Variants in IRS2 observed in about 807,000 individuals in gnomAD.
IRS2 encodes insulin receptor substrate 2.
In IRS2, 28 loss-of-function variants were observed where a neutral mutation model predicts 70.9. The ratio of observed to expected loss-of-function variants is 0.39; its 90% CI spans 0.29 to 0.54. The LOEUF (loss-of-function observed/expected upper bound fraction) is 0.54, where lower values mean the gene tolerates loss of function less well. Ranked by LOEUF, IRS2 falls within the 20% of genes least tolerant of loss-of-function variation. IRS2 has a pLI of 0.59. For synonymous variants in IRS2, 1,217 were observed against 981.9 expected (o/e 1.24, Z -4.48); for missense variants, 2,081 against 2,024.1 (o/e 1.03, Z -0.54).
Position 109,783,204 on chromosome 13 carries a change from G to C in IRS2, c.2850C>G (p.Ser950=). The change falls in exon 1 of 2, where the codon TCC becomes TCG. Residue 950 remains serine (S), a synonymous_variant. Transcript: ENST00000375856. ...CCAGCGACGAGGCCGGGCTGCTGGC[G>C]GACAAGAGCGAGGAGGACGAGGCCG... ...ASAASSSSLL[S]ASSPASSLGS... is the part of the protein sequence containing the mutation. 1 of 1,413,026 alleles carries C rather than the reference G, an allele frequency of 7.1e-7. No individual in the cohort carries two copies. The allele number at this position is 1,413,026 out of a possible 1,614,324, so 87.5% of individuals were successfully genotyped here.
At chr13:109,776,927 T>C (rs1228096605) in intron 1 of IRS2, among the ~76,000 whole-genome samples, 2 of 152,236 alleles carry the variant, frequency 1.3e-5, no homozygotes, top group Non-Finnish European at 2.9e-5. Context: ...AAAATCATGA[T>C]CTGACAGTTA....
chr13:109,759,198 G>GGCC (rs1304165635), intron 1 of IRS2, among the ~76,000 whole-genome samples: 1 of 152,152 alleles, frequency 6.6e-6, no homozygotes, highest in Non-Finnish European at 1.5e-5. Context: ...CGCTTTCAAC[G>GGCC]GCCGCCTCCT....
chr13:109,775,175 G>GT (rs1877546149), intron 1 of IRS2, among the ~76,000 whole-genome samples: 1 of 140,854 alleles, frequency 7.1e-6, no homozygotes, highest in South Asian at 2.2e-4. Flanking sequence ...CTGGAGTACA[G>GT]TGTCGCGATC....
In IRS2 at chr13:109,782,968, A is replaced by C; in HGVS notation, c.3086T>G (p.Leu1029Arg). 3 of 1,420,228 alleles carry C rather than the reference A, an allele frequency of 2.1e-6. No individual in the cohort carries two copies. The highest frequency in any genetic ancestry group is 2.7e-6 in the Non-Finnish European group (3 of 1,091,868). 88.0% of individuals were successfully genotyped at this position (1,420,228 alleles called of 1,614,324 possible). The change falls in exon 1 of 2, where the codon CTG becomes CGG. Residue 1029 changes from leucine (L) to arginine (R), a missense_variant. Around this residue, in one of 4 missense-constraint regions of IRS2, gnomAD observed 1,615 missense variants for 1,459.5 expected, o/e 1.11. Transcript: ENST00000375856. Reference protein sequence around the residue: ...PRPSASPSSSLQPPPPPPAPG... With the variant: ...PRPSASPSSSRQPPPPPPAPG... ...GGCCGGCGGCGGTGGCGGCGGCTGC[A>C]GAGACGACGACGGGGACGCGGACGG...
At chr13:109,776,143 C>T (rs1253457724) in intron 1 of IRS2, among the ~76,000 whole-genome samples, 5 of 126,058 alleles carry the variant, frequency 4.0e-5, no homozygotes, top group East Asian at 4.1e-4. Context: ...AGTGAGACTC[C>T]GTCTCAAAAA....
intron 1 of IRS2, among the ~76,000 whole-genome samples, chr13:109,773,284 T>A (rs1367371207): frequency 6.6e-6 from 1 of 152,224 alleles, no homozygotes; most frequent in Non-Finnish European, 1.5e-5. Flanking sequence ...ACTGATTAGT[T>A]AGTTATTGGT....
chr13:109,783,795 C>T lies in IRS2; in HGVS notation c.2259G>A (p.Met753Ile), dbSNP rs1343442255. Residue 753 changes from methionine (M) to isoleucine (I), a missense_variant, in exon 1 of 2, where the codon ATG (methionine) becomes ATA (isoleucine). Met to Ile is a conservative substitution (Grantham distance 10). Coordinates refer to ENST00000375856, the MANE Select transcript of IRS2 (RefSeq NM_003749.3). The part of the protein sequence containing the change: ...MRMWCGSKLS[M>I]EHADGKLLPN... The stretch of plus-strand genomic sequence containing the variant: ...GCAGCAGCTTGCCATCTGCATGCTC[C>T]ATGGACAGCTTGGAACCGCACCACA... 1 of 1,597,464 alleles carries T rather than the reference C, an allele frequency of 6.3e-7. No homozygotes were observed. Among genetic ancestry groups the T allele is most frequent in the Admixed American group, 1.7e-5 (1 of 58,492 alleles).
rs769428691 is a variant in IRS2, at chr13:109,785,492, C to G, written c.562G>C (p.Ala188Pro). 1 of 1,611,360 alleles carries G rather than the reference C, an allele frequency of 6.2e-7. No individual in the cohort carries two copies. Among genetic ancestry groups the G allele is most frequent in the Non-Finnish European group, 8.5e-7 (1 of 1,179,508 alleles). ...AGAEDSYGLV[A>P]PATAAYREVW... is the part of the protein sequence containing the mutation. ...TCACGGTAGGCGGCCGTGGCGGGAG[C>G]CACCAGCCCGTAGCTGTCCTCGGCC... Residue 188 changes from alanine (A) to proline (P), a missense_variant, in exon 1 of 2, where the codon GCT (alanine) becomes CCT (proline). Ala to Pro is a conservative substitution (Grantham distance 27, BLOSUM62 -1). This residue lies in a region of IRS2 where 320 missense variants were observed against 352.9 expected (regional missense o/e 0.91). Transcript: ENST00000375856. The surrounding 1 kb of genome is among the most constrained non-coding windows in gnomAD (Gnocchi z 9.3).
At chr13:109,770,244 T>C (rs2138919139) in intron 1 of IRS2, among the ~76,000 whole-genome samples, 1 of 152,264 alleles carries the variant, frequency 6.6e-6, no homozygotes, top group East Asian at 1.9e-4. Flanking sequence ...AAGAATGTGA[T>C]CAATACCCTT....
At position 109,754,796 on chromosome 13, in the gene IRS2, A is replaced by G. The variant is rs1877066200; in HGVS notation, c.*1508T>C. 5.2e-6 allele frequency: 1 copy of G among 192,730 alleles called. No individual in the cohort carries two copies. The highest frequency in any genetic ancestry group is 1.1e-5 in the Non-Finnish European group (1 of 92,198). The allele number at this position is 192,730 out of a possible 1,614,324, so 11.9% of individuals were successfully genotyped here. The stretch of plus-strand genomic sequence containing the variant: ...TAAAAAAGCCTCATTTTATTAATGC[A>G]TTATTCTATAGCGATAGATATCTAT... On this transcript the variant is annotated 3_prime_UTR_variant, in exon 2 of 2. Transcript: ENST00000375856.
chr13:109,774,974 C>T (rs1279871754), intron 1 of IRS2, among the ~76,000 whole-genome samples: 2 of 152,028 alleles, frequency 1.3e-5, no homozygotes, highest in Non-Finnish European at 2.9e-5. Flanking sequence ...CAGTTGTCTA[C>T]CAAGTTGTGG....
intron 1 of IRS2, among the ~76,000 whole-genome samples, chr13:109,761,636 T>A (rs1877230089): frequency 6.8e-6 from 1 of 146,860 alleles, no homozygotes; most frequent in African/African-American, 2.5e-5. Flanking sequence ...AAGCCAGAGA[T>A]TCTAGGAAAA....
intron 1 of IRS2, among the ~76,000 whole-genome samples, chr13:109,778,076 C>T (rs1211239807): frequency 6.6e-6 from 1 of 152,198 alleles, no homozygotes; most frequent in Non-Finnish European, 1.5e-5. Flanking sequence ...GGTTTCAAAG[C>T]AATAAGTATC....
chr13:109,769,252 A>G (rs942009435), intron 1 of IRS2, among the ~76,000 whole-genome samples: 1 of 152,244 alleles, frequency 6.6e-6, no homozygotes, highest in African/African-American at 2.4e-5. Context: ...TGATGGCTAC[A>G]GTATGAAAGT....
chr13:109,761,424 A>T (rs1877222706), intron 1 of IRS2, among the ~76,000 whole-genome samples: 1 of 152,236 alleles, frequency 6.6e-6, no homozygotes, highest in Non-Finnish European at 1.5e-5. Context: ...CATGAGCTCA[A>T]ACATATCGTA....
Position 109,784,235 on chromosome 13 carries a change from C to T in IRS2, c.1819G>A (p.Gly607Ser), listed in dbSNP as rs2138935222. The change falls in exon 1 of 2, where the codon GGC becomes AGC. Residue 607 changes from glycine to serine, a missense_variant. Around this residue, in one of 4 missense-constraint regions of IRS2, gnomAD observed 1,615 missense variants for 1,459.5 expected, o/e 1.11. Transcript: ENST00000375856. The surrounding 1 kb of genome is among the most constrained non-coding windows in gnomAD (Gnocchi z 5.2). ...EYTLMRATFS[G>S]SAGRLCPSCP... ...GACGGGCAGAGGCGGCCCGCGCTGC[C>T]CGAGAAGGTGGCCCGCATCAGGGTG... 1 of 1,573,548 alleles carries T rather than the reference C, an allele frequency of 6.4e-7. No individual in the cohort carries two copies. The highest frequency in any genetic ancestry group is 8.6e-7 in the Non-Finnish European group (1 of 1,158,634).
In IRS2 at chr13:109,752,926, T is replaced by C. The variant is rs544829623; in HGVS notation, c.*3378A>G. 6.6e-6 allele frequency: 1 copy of C among 152,250 alleles called. No individual in the cohort carries two copies. Among genetic ancestry groups the C allele is most frequent in the African/African-American group, 2.4e-5 (1 of 41,498 alleles). 9.4% of individuals were successfully genotyped at this position (152,250 alleles called of 1,614,324 possible). ...TGATGTATGCATCGGTATGTCTTCT[T>C]CTGTGTTTGTGTCATGGAGGCAGCA... On this transcript the variant is annotated 3_prime_UTR_variant, in exon 2 of 2. Coordinates refer to ENST00000375856, the MANE Select transcript of IRS2 (RefSeq NM_003749.3).
rs191567006 is a variant in IRS2 at position 109,784,431 on chromosome 13, C to A, written c.1623G>T (p.Gly541=). 3 of 1,596,800 alleles carry A rather than the reference C, an allele frequency of 1.9e-6. No homozygotes were observed. Among genetic ancestry groups the A allele is most frequent in the South Asian group, 2.2e-5 (2 of 90,678 alleles). The change falls in exon 1 of 2, where the codon GGG becomes GGT. Residue 541 remains glycine, a synonymous_variant. Transcript: ENST00000375856. The surrounding 1 kb of genome is among the most constrained non-coding windows in gnomAD (Gnocchi z 5.2). ...RDGGGGGEFY[G]YMTMDRPLSH... The stretch of plus-strand genomic sequence containing the variant: ...TCAGGGGCCTGTCCATGGTCATGTA[C>A]CCGTAGAACTCACCGCCGCCGCCGC...
Position 109,784,407 on chromosome 13 carries a change from C to T in IRS2, c.1647G>A (p.Leu549=), listed in dbSNP as rs933492085. 22 of 1,610,426 alleles carry T rather than the reference C, an allele frequency of 1.4e-5. No individual in the cohort carries two copies. Among genetic ancestry groups the T allele is most frequent in the Non-Finnish European group, 1.9e-5 (22 of 1,179,246 alleles). ...FYGYMTMDRP[L]SHCGRSYRRV... The stretch of plus-strand genomic sequence containing the variant: ...GGCGGTAGGAGCGGCCACAGTGGCT[C>T]AGGGGCCTGTCCATGGTCATGTACC... Residue 549 remains leucine, a synonymous_variant, in exon 1 of 2, where the codon CTG becomes CTA. Transcript: ENST00000375856. The surrounding 1 kb of genome is among the most constrained non-coding windows in gnomAD (Gnocchi z 5.2).
Sources: gnomAD v4.1 joint callset for allele counts (sites outside exome capture counted in the v4.1 genomes callset) on GRCh38, gnomAD v4.1.1 for gene constraint, gnomAD v4.1.1 regional missense constraint, Gnocchi (gnomAD v3.1) non-coding constraint, MANE v1.5 for transcripts, NCBI Gene and HGNC (gene_info 2026-07-23, HGNC 2026-07-21) for gene names.